NIPAL1: variants seen among roughly 807,000 people sequenced by gnomAD.
NIPAL1 encodes the protein magnesium transporter NIPA3.
In NIPAL1, 35 loss-of-function variants were observed where a neutral mutation model predicts 37.7. The observed-to-expected ratio is 0.93, with a 90% CI of 0.71 to 1.23. The LOEUF is 1.23. Ranked by LOEUF, NIPAL1 falls within the 50% of genes most tolerant of loss-of-function variation. The probability of loss-of-function intolerance (pLI) is 0.00; values close to 1 mark genes in which losing one functional copy is unlikely to be tolerated. For synonymous variants in NIPAL1, 162 were observed against 183.0 expected (o/e 0.89, Z 0.93); for missense variants, 412 against 473.9 (o/e 0.87, Z 1.21).
intron 1 of NIPAL1, among the ~76,000 whole-genome samples, chr4:48,024,058 C>T (rs376685996): frequency 7.3e-5 from 11 of 150,716 alleles, no homozygotes; most frequent in African/African-American, 2.2e-4. Flanking sequence ...TCACTGCAGC[C>T]GCCTCCTGGG....
chr4:48,035,524 G>A, intron 5 of NIPAL1, 38 bp from the exon 6 acceptor site: 1 of 1,575,136 alleles, frequency 6.3e-7, no homozygotes. Flanking sequence ...AATCCTGTGA[G>A]CATTTTCTAA....
At chr4:48,017,281 G>C (rs1220852963) in intron 1 of NIPAL1, among the ~76,000 whole-genome samples, 1 of 152,178 alleles carries the variant, frequency 6.6e-6, no homozygotes, top group Non-Finnish European at 1.5e-5. Context: ...ACGTCACCCG[G>C]TGGGCAGAGG....
intron 2 of NIPAL1, among the ~76,000 whole-genome samples, chr4:48,029,214 A>G (rs1715764802): frequency 6.6e-6 from 1 of 152,212 alleles, no homozygotes; most frequent in Non-Finnish European, 1.5e-5. Context: ...GTATAATTAT[A>G]TACACACACC....
chr4:48,031,976 T>A (rs575554902), intron 3 of NIPAL1, among the ~76,000 whole-genome samples: 8 of 152,178 alleles, frequency 5.3e-5, no homozygotes, highest in Non-Finnish European at 1.2e-4. Flanking sequence ...TGACCTCAAG[T>A]GATCTTCTCC....
At chr4:48,020,473 T>A (rs541543151) in intron 1 of NIPAL1, among the ~76,000 whole-genome samples, 2 of 152,324 alleles carry the variant, frequency 1.3e-5, no homozygotes, top group South Asian at 4.2e-4. Flanking sequence ...GGTTTCTAGG[T>A]CAGCTGAAGG....
chr4:48,028,094 A>T (rs930712402), intron 2 of NIPAL1, among the ~76,000 whole-genome samples: 1 of 152,190 alleles, frequency 6.6e-6, no homozygotes, highest in African/African-American at 2.4e-5. Context: ...CAAAGGGATG[A>T]CATGGAAACA....
rs1470718684 is a variant in NIPAL1, at chr4:48,027,458, T to C, written c.313+2124T>C. ...CCAATAAACATACATAAATAAATATTGTTTCACTAGTACCCAAAGATACCA... is the reference window on the plus strand; with the variant it reads ...CCAATAAACATACATAAATAAATATCGTTTCACTAGTACCCAAAGATACCA... On this transcript the variant is annotated intron_variant, in intron 2 of 5. Transcript: ENST00000295461. This position sits in a 1 kb window ranked among gnomAD's most constrained non-coding sequence, Gnocchi z 4.1. Among the ~76,000 whole-genome samples, 1 of 152,246 alleles carries C rather than the reference T, an allele frequency of 6.6e-6. No individual in the cohort carries two copies. Among genetic ancestry groups the C allele is most frequent in the Non-Finnish European group, 1.5e-5 (1 of 68,036 alleles).
intron 3 of NIPAL1, among the ~76,000 whole-genome samples, chr4:48,032,590 G>T (rs1406754092): frequency 6.6e-6 from 1 of 152,118 alleles, no homozygotes; most frequent in Non-Finnish European, 1.5e-5. Flanking sequence ...TTTCCAAGCT[G>T]GTTTTGGTTT....
At chr4:48,021,272 CAT>C (rs1342108112) in intron 1 of NIPAL1, among the ~76,000 whole-genome samples, 2 of 151,994 alleles carry the variant, frequency 1.3e-5, no homozygotes, top group African/African-American at 4.8e-5. Flanking sequence ...TGAGAACAAA[CAT>C]AGGTTATGAT....
intron 4 of NIPAL1, among the ~76,000 whole-genome samples, 167 bp downstream of exon 4, chr4:48,033,250 G>A (rs1168650315): frequency 2.0e-5 from 3 of 152,124 alleles, no homozygotes; most frequent in Non-Finnish European, 4.4e-5. Context: ...AGGCTCCTGG[G>A]AAGCTTTGGT....
At chr4:48,020,693 A>G (rs2109365195) in intron 1 of NIPAL1, among the ~76,000 whole-genome samples, 1 of 152,302 alleles carries the variant, frequency 6.6e-6, no homozygotes, top group Middle Eastern at 3.4e-3. Flanking sequence ...CTAGCTTCAT[A>G]TCACTTCTGC....
intron 1 of NIPAL1, among the ~76,000 whole-genome samples, chr4:48,018,694 G>T (rs1254703317): frequency 2.6e-5 from 4 of 152,160 alleles, no homozygotes; most frequent in African/African-American, 9.7e-5. Flanking sequence ...AGAGTCCCAT[G>T]TGCCAAGCAC....
chr4:48,028,150 G>A (rs1715733020), intron 2 of NIPAL1, among the ~76,000 whole-genome samples: 2 of 152,116 alleles, frequency 1.3e-5, no homozygotes, highest in South Asian at 4.1e-4. Flanking sequence ...GAACAAAGCT[G>A]GAGGTATCAC....
intron 1 of NIPAL1, among the ~76,000 whole-genome samples, chr4:48,017,378 C>T (rs1715449531): frequency 6.6e-6 from 1 of 152,190 alleles, no homozygotes; most frequent in South Asian, 2.1e-4. Context: ...GGTTGGGCGC[C>T]CGGGGCCGCG....
At chr4:48,035,424 A>G in intron 5 of NIPAL1, 138 bp from the exon 6 acceptor site, 2 of 776,076 alleles carry the variant, frequency 2.6e-6, no homozygotes, top group East Asian at 2.5e-5. Context: ...AGAACTATGC[A>G]ATAGAATGTT....
intron 3 of NIPAL1, among the ~76,000 whole-genome samples, chr4:48,031,852 C>T (rs1317894063): frequency 1.3e-5 from 2 of 152,110 alleles, no homozygotes; most frequent in South Asian, 4.1e-4. Flanking sequence ...GATTCTCCTG[C>T]CTCAGCCTCC....
rs1223770370 is a variant in NIPAL1 at position 48,038,956 on chromosome 4, A to G, written c.*2784A>G. 6.6e-6 allele frequency: 1 copy of G among 152,148 alleles called. No individual in the cohort carries two copies. The highest frequency in any genetic ancestry group is 1.9e-4 in the East Asian group (1 of 5,198). 9.4% of individuals were successfully genotyped at this position (152,148 alleles called of 1,614,324 possible). On this transcript the variant is annotated 3_prime_UTR_variant, in exon 6 of 6. Transcript: ENST00000295461. ...GACTGGGAAAGATTTAATGAGTTGA[A>G]GTATGCTGAGAAACAATGAAATATT...
intron 4 of NIPAL1, among the ~76,000 whole-genome samples, chr4:48,033,558 A>G (rs1032325446): frequency 2.7e-4 from 41 of 152,364 alleles, no homozygotes; most frequent in African/African-American, 9.4e-4. Context: ...GACCATAGTT[A>G]TCAGAGGACT....
In NIPAL1 at chr4:48,016,780, G is replaced by A. The variant is rs1009797639; in HGVS notation, c.-60G>A. ...CCGCAGCCCCGCCCGCCGCGGGTGC[G>A]TGTGGAGAGGCCCAGGTGAGGAGCA... On this transcript the variant is annotated 5_prime_UTR_variant, in exon 1 of 6. In the 5' UTR this introduces an upstream ATG that the reference lacks. Transcript: ENST00000295461. The A allele has an allele frequency of 7.6e-5, 114 of 1,497,236 alleles. No individual in the cohort carries two copies. Among genetic ancestry groups the A allele is most frequent in the African/African-American group, 1.1e-4 (8 of 72,030 alleles). The allele number at this position is 1,497,236 out of a possible 1,614,324, so 92.7% of individuals were successfully genotyped here.
Sources: allele counts gnomAD v4.1 joint callset (sites outside exome capture counted in the v4.1 genomes callset), GRCh38; gene constraint gnomAD v4.1.1; non-coding constraint Gnocchi (gnomAD v3.1); transcripts MANE v1.5; gene names NCBI Gene and HGNC (gene_info 2026-07-23, HGNC 2026-07-21).